LPAR1: variants seen among roughly 807,000 people sequenced by gnomAD.
LPAR1 encodes lysophosphatidic acid receptor 1, also known as LPA receptor 1.
A neutral mutation model predicts 23.8 loss-of-function variants in LPAR1; 5 were observed. The ratio of observed to expected loss-of-function variants is 0.21; its 90% confidence interval spans 0.11 to 0.44. The LOEUF is 0.44. Ranked by LOEUF, LPAR1 falls within the 20% of genes least tolerant of loss-of-function variation. The pLI, the probability that LPAR1 is intolerant of heterozygous loss-of-function variation, is 0.99. For synonymous variants in LPAR1, 160 were observed against 164.7 expected, an observed-to-expected ratio of 0.97 and a Z score of 0.22; for missense variants, 311 against 482.8, an observed-to-expected ratio of 0.64 and a Z score of 3.33.
At chr9:110,944,835 A>G (rs1281513514) in intron 4 of LPAR1, among the ~76,000 whole-genome samples, 2 of 152,210 alleles carry the variant, frequency 1.3e-5, no homozygotes, top group African/African-American at 4.8e-5. Context: ...AACTTAAATG[A>G]TTTTCGAAAC....
chr9:110,905,681 C>T (rs1353120031), intron 5 of LPAR1, among the ~76,000 whole-genome samples: 2 of 152,074 alleles, frequency 1.3e-5, no homozygotes, highest in Non-Finnish European at 2.9e-5. Flanking sequence ...AGTATAAACA[C>T]CTTAATTGCA....
rs114807786 is a variant in LPAR1 at position 111,009,418 on chromosome 9, T to C, written c.-182+26704A>G. Among the ~76,000 whole-genome samples, 368 of 152,274 alleles carry C rather than the reference T, an allele frequency of 2.4e-3. 2 individuals carry two copies. Among genetic ancestry groups the C allele is most frequent in the African/African-American group, 8.1e-3 (336 of 41,570 alleles). On this transcript the variant is annotated intron_variant, in intron 2 of 5. Coordinates refer to ENST00000683809, the MANE Select transcript of LPAR1 (RefSeq NM_001351411.2). ...AAAACAAATTTTATTGAGCATTTAT[T>C]AACACAAAAATGTTTGATACATTCC...
rs1442595015 is a variant in LPAR1 at position 110,874,817 on chromosome 9, A to G, written c.*604T>C. ...GGTTCTATTTCCTAGAAGATTTAAC[A>G]TTAGTATCCTTTTAATCTTTTTAAG... On this transcript the variant is annotated 3_prime_UTR_variant, in exon 6 of 6. Coordinates refer to ENST00000683809, the MANE Select transcript of LPAR1 (RefSeq NM_001351411.2). The G allele has an allele frequency of 1.3e-5, 2 of 152,652 alleles. No individual in the cohort carries two copies. The highest frequency in any genetic ancestry group is 2.9e-5 in the Non-Finnish European group (2 of 68,044). The allele number at this position is 152,652 out of a possible 1,614,324, so 9.5% of individuals were successfully genotyped here.
chr9:110,923,600 A>G (rs2093793004), intron 5 of LPAR1, among the ~76,000 whole-genome samples: 1 of 152,228 alleles, frequency 6.6e-6, no homozygotes, highest in Non-Finnish European at 1.5e-5. Flanking sequence ...AATATTTTCA[A>G]TTTACGATGG....
At chr9:110,899,668 T>C (rs1278506422) in intron 5 of LPAR1, among the ~76,000 whole-genome samples, 1 of 152,224 alleles carries the variant, frequency 6.6e-6, no homozygotes, top group Non-Finnish European at 1.5e-5. Context: ...TCTGATTCAG[T>C]AGGTCTGGAG....
At chr9:110,916,298 G>A (rs1317068261) in intron 5 of LPAR1, among the ~76,000 whole-genome samples, 1 of 152,154 alleles carries the variant, frequency 6.6e-6, no homozygotes. Flanking sequence ...ATACAGCTAG[G>A]AATGACGGAG....
chr9:110,998,311 C>A (rs1247893618), intron 2 of LPAR1, among the ~76,000 whole-genome samples: 1 of 152,122 alleles, frequency 6.6e-6, no homozygotes, highest in Non-Finnish European at 1.5e-5. Flanking sequence ...TAATACCTGG[C>A]AGAAAAGGCA....
intron 2 of LPAR1, among the ~76,000 whole-genome samples, chr9:111,019,683 A>AT (rs1375725440): frequency 6.6e-6 from 1 of 151,728 alleles, no homozygotes; most frequent in Non-Finnish European, 1.5e-5. Flanking sequence ...TAAAAAAAAA[A>AT]ACATACAAAA....
chr9:110,939,912 T>C (rs2094973410), intron 5 of LPAR1, among the ~76,000 whole-genome samples: 1 of 152,242 alleles, frequency 6.6e-6, no homozygotes, highest in Non-Finnish European at 1.5e-5. Flanking sequence ...AAGTCTCATG[T>C]TATTTAATGT....
chr9:111,024,385 T>A (rs752859728), intron 2 of LPAR1, among the ~76,000 whole-genome samples: 8 of 147,956 alleles, frequency 5.4e-5, no homozygotes, highest in Non-Finnish European at 8.9e-5. Flanking sequence ...ATACATATTT[T>A]TATATATATA....
chr9:111,019,528 T>C (rs960344517), intron 2 of LPAR1, among the ~76,000 whole-genome samples: 1 of 151,852 alleles, frequency 6.6e-6, no homozygotes, highest in African/African-American at 2.4e-5. Flanking sequence ...CTGGACAGAG[T>C]TACTTTTATT....
chr9:110,959,936 T>C lies in LPAR1; in HGVS notation c.45+12137A>G, dbSNP rs369685916. Among the ~76,000 whole-genome samples the C allele has an allele frequency of 3.6e-4, 55 of 151,970 alleles. 2 individuals are homozygous for C. The South Asian group carries it at 5.4e-3, about 15-fold the overall frequency. ...ATCCCAGGCATGGGATCTATGAACA[T>C]AGGATTAAAAAAAATTGATCTCATG... On this transcript the variant is annotated intron_variant, in intron 4 of 5. Coordinates refer to ENST00000683809, the MANE Select transcript of LPAR1 (RefSeq NM_001351411.2).
At chr9:110,972,404 A>G (rs2096453186) in intron 3 of LPAR1, among the ~76,000 whole-genome samples, 184 bp from the exon 4 acceptor site, 1 of 152,138 alleles carries the variant, frequency 6.6e-6, no homozygotes, top group Admixed American at 6.6e-5. Context: ...TATCTGTCCA[A>G]ATACTCTTAA....
At chr9:110,917,033 G>GA (rs1440797456) in intron 5 of LPAR1, among the ~76,000 whole-genome samples, 2 of 151,440 alleles carry the variant, frequency 1.3e-5, no homozygotes, top group Non-Finnish European at 2.9e-5. Context: ...GCTAAGGTAT[G>GA]AAAAAAACTT....
chr9:110,993,396 T>C (rs1193451893), intron 2 of LPAR1, among the ~76,000 whole-genome samples: 1 of 152,178 alleles, frequency 6.6e-6, no homozygotes, highest in Non-Finnish European at 1.5e-5. Flanking sequence ...TTTTCCTGGC[T>C]TTTATACCCT....
chr9:110,916,838 GA>G (rs1231281764), intron 5 of LPAR1, among the ~76,000 whole-genome samples: 2 of 150,292 alleles, frequency 1.3e-5, no homozygotes, highest in Non-Finnish European at 3.0e-5. Flanking sequence ...TTTAAACTTG[GA>G]AAAAATAACT....
At chr9:110,987,165 G>C (rs889232725) in intron 2 of LPAR1, among the ~76,000 whole-genome samples, 2 of 151,970 alleles carry the variant, frequency 1.3e-5, no homozygotes, top group Admixed American at 6.6e-5. Flanking sequence ...CTACAAGGAT[G>C]CTTAATGCAA....
rs533724815 is a variant in LPAR1, at chr9:110,917,160, C to T, written c.793+24261G>A. ...CAAGACCAGCCTGGCTAACAAAGTG[C>T]AACCTCGTCTCTACTAAAAATACAA... is the stretch of plus-strand genomic sequence containing the variant. On this transcript the variant is annotated intron_variant, in intron 5 of 5. Transcript: ENST00000683809. 2.1e-4 allele frequency among the ~76,000 whole-genome samples: 30 copies of T among 140,710 alleles called. No individual in the cohort carries two copies. The South Asian group carries it at 3.4e-3, about 16-fold the overall frequency. 92.3% of individuals were successfully genotyped at this position (140,710 alleles called of 152,430 possible).
chr9:110,974,661 T>C (rs952061999), intron 2 of LPAR1, among the ~76,000 whole-genome samples: 9 of 152,244 alleles, frequency 5.9e-5, no homozygotes, highest in African/African-American at 1.7e-4. Context: ...TATCTTGTCA[T>C]GACATTCAAC....
Sources: gnomAD v4.1 joint callset for allele counts (sites outside exome capture counted in the v4.1 genomes callset) on GRCh38, gnomAD v4.1.1 for gene constraint, MANE v1.5 for transcripts, NCBI Gene and HGNC (gene_info 2026-07-23, HGNC 2026-07-21) for gene names.